Variants in TMEM87A observed in about 807,000 individuals in gnomAD.
The protein encoded by TMEM87A is transmembrane protein 87A.
TMEM87A carries 50 observed loss-of-function variants against 90.0 expected under a neutral mutation model. The observed-to-expected ratio is 0.56, with a 90% CI of 0.44 to 0.70. The LOEUF is 0.70. Ranked by LOEUF, TMEM87A falls within the 30% of genes least tolerant of loss-of-function variation. The pLI is 0.00. For synonymous variants in TMEM87A, 226 were observed against 226.7 expected (o/e 1.00, Z 0.03); for missense variants, 577 against 660.5 (o/e 0.87, Z 1.39).
chr15:42,260,275 G>A (rs550147279), intron 6 of TMEM87A, among the ~76,000 whole-genome samples: 1 of 152,312 alleles, frequency 6.6e-6, no homozygotes, highest in South Asian at 2.1e-4. Flanking sequence ...CTTGGAGTCT[G>A]AGGCAGGAGG....
Position 42,211,381 on chromosome 15 carries a change from T to C in TMEM87A, c.*327A>G, listed in dbSNP as rs1201552392. 2 of 217,068 alleles carry C rather than the reference T, an allele frequency of 9.2e-6. No homozygotes were observed. The highest frequency in any genetic ancestry group is 1.8e-5 in the Non-Finnish European group (2 of 109,616). 13.4% of individuals were successfully genotyped at this position (217,068 alleles called of 1,614,324 possible). The stretch of plus-strand genomic sequence containing the variant: ...TTTTAGAAGACGTTAAACTTTTTAG[T>C]TTGTCAGATTTAAAAAATGAAACAT... On this transcript the variant is annotated 3_prime_UTR_variant, in exon 20 of 20. Transcript: ENST00000389834.
intron 7 of TMEM87A, among the ~76,000 whole-genome samples, chr15:42,240,659 G>A (rs1410846913): frequency 1.3e-5 from 2 of 152,026 alleles, no homozygotes; most frequent in African/African-American, 2.4e-5. Flanking sequence ...AAAATAATTT[G>A]GATAAATTCT....
intron 6 of TMEM87A, among the ~76,000 whole-genome samples, chr15:42,247,843 G>A (rs2051007114): frequency 6.6e-6 from 1 of 152,144 alleles, no homozygotes; most frequent in Non-Finnish European, 1.5e-5. Flanking sequence ...GTAGCTTGAT[G>A]GGGATGGCAT....
intron 10 of TMEM87A, among the ~76,000 whole-genome samples, chr15:42,233,578 CT>C (rs1222124810): frequency 6.6e-6 from 1 of 152,106 alleles, no homozygotes; most frequent in African/African-American, 2.4e-5. Flanking sequence ...ATAATGCACC[CT>C]TATAAACCCT....
chr15:42,224,003 C>G (rs1363988897), intron 15 of TMEM87A, among the ~76,000 whole-genome samples: 1 of 152,190 alleles, frequency 6.6e-6, no homozygotes. Context: ...CAAGCCCACT[C>G]ATTAAATATT....
chr15:42,219,709 T>G, intron 16 of TMEM87A, 67 bp from the exon 17 acceptor site: 1 of 1,078,626 alleles, frequency 9.3e-7, no homozygotes. Context: ...GCAAAACGGA[T>G]TCAGAACTTT....
rs113589002 is a variant in TMEM87A at position 42,239,795 on chromosome 15, A to G, written c.623-64T>C. 973 of 1,371,670 alleles carry G rather than the reference A, an allele frequency of 7.1e-4. 4 individuals are homozygous for G. In the African/African-American group the frequency reaches 7.7e-3, roughly 11 times the overall value. The allele number at this position is 1,371,670 out of a possible 1,614,324, so 85.0% of individuals were successfully genotyped here. A position where few individuals can be genotyped will look rare whatever the true frequency, so the allele number is the denominator to read the frequency against. Reference sequence around the variant, plus strand: ...CAGAAATTAAACAAAAATATTGCCTAATATTTGTTTAATGAACTTAGTAAG... The same window carrying G: ...CAGAAATTAAACAAAAATATTGCCTGATATTTGTTTAATGAACTTAGTAAG... On this transcript the variant is annotated intron_variant, in intron 7 of 19. Transcript: ENST00000389834.
chr15:42,272,889 A>T (rs747419556), intron 1 of TMEM87A: 1 of 475,182 alleles, frequency 2.1e-6, no homozygotes, highest in South Asian at 1.5e-5. Context: ...TCCTATTTAC[A>T]TATCTTTCTT....
chr15:42,228,931 C>CA (rs2050642419), intron 12 of TMEM87A, 111 bp from the exon 13 acceptor site: 1 of 667,700 alleles, frequency 1.5e-6, no homozygotes, highest in African/African-American at 1.9e-5. Flanking sequence ...ATAGATCTCT[C>CA]AGAGGCCTTA....
At chr15:42,216,997 T>G (rs2140911296) in intron 19 of TMEM87A, among the ~76,000 whole-genome samples, 1 of 151,774 alleles carries the variant, frequency 6.6e-6, no homozygotes, top group African/African-American at 2.4e-5. Context: ...TCTCACTCTT[T>G]TGCCCAGGCT....
At chr15:42,244,380 T>C (rs184310191) in intron 6 of TMEM87A, among the ~76,000 whole-genome samples, 43 of 152,228 alleles carry the variant, frequency 2.8e-4, no homozygotes, top group Admixed American at 2.7e-3. Context: ...ATACCATGTC[T>C]TGTACACAAA....
rs1485787677 is a variant in TMEM87A at position 42,239,815 on chromosome 15, A to C, written c.623-84T>G. 2.6e-6 allele frequency: 3 copies of C among 1,164,462 alleles called. No homozygotes were observed. In the African/African-American group the frequency reaches 4.5e-5, roughly 18 times the overall value. 72.1% of individuals were successfully genotyped at this position (1,164,462 alleles called of 1,614,324 possible). A position where few individuals can be genotyped will look rare whatever the true frequency, so the allele number is the denominator to read the frequency against. On this transcript the variant is annotated intron_variant, in intron 7 of 19. Transcript: ENST00000389834. ...TGCCTAATATTTGTTTAATGAACTT[A>C]GTAAGAATTTCATTGGGTCATTTAC...
intron 10 of TMEM87A, among the ~76,000 whole-genome samples, chr15:42,234,495 C>T (rs543592726): frequency 1.4e-3 from 208 of 152,250 alleles, no homozygotes; most frequent in African/African-American, 4.9e-3. Flanking sequence ...ATATAGGAGG[C>T]ACTCAAATAA....
At chr15:42,237,676 A>T in intron 8 of TMEM87A, 61 bp from the exon 9 acceptor site, 2 of 1,267,216 alleles carry the variant, frequency 1.6e-6, no homozygotes, top group South Asian at 1.8e-5. Flanking sequence ...AAGTCTGTAG[A>T]TTTAGAATCA....
chr15:42,244,883 C>T (rs1376507647), intron 6 of TMEM87A, among the ~76,000 whole-genome samples: 2 of 151,092 alleles, frequency 1.3e-5, no homozygotes, highest in Non-Finnish European at 3.0e-5. Context: ...CAATTTACTA[C>T]CATCTGTTCT....
Position 42,210,720 on chromosome 15 carries a change from A to C in TMEM87A, c.*988T>G, listed in dbSNP as rs541992980. 1 of 152,790 alleles carries C rather than the reference A, an allele frequency of 6.5e-6. No individual in the cohort carries two copies. Among genetic ancestry groups the C allele is most frequent in the South Asian group, 2.1e-4 (1 of 4,826 alleles). The allele number at this position is 152,790 out of a possible 1,614,324, so 9.5% of individuals were successfully genotyped here. On this transcript the variant is annotated 3_prime_UTR_variant, in exon 20 of 20. Coordinates refer to ENST00000389834, the MANE Select transcript of TMEM87A (RefSeq NM_015497.5). ...CAGATACCAGAACAGTCCATCCTAA[A>C]GAACGAGCAGCAGTCCAGGGCCTCC...
intron 15 of TMEM87A, among the ~76,000 whole-genome samples, chr15:42,226,010 A>AT (rs928533075): frequency 1.4e-4 from 20 of 148,136 alleles, no homozygotes; most frequent in Admixed American, 4.0e-4. Flanking sequence ...GTGTGTCAGC[A>AT]TTTTTTTTTT....
At chr15:42,219,834 G>T (rs2050442243) in intron 16 of TMEM87A, among the ~76,000 whole-genome samples, 192 bp from the exon 17 acceptor site, 1 of 152,136 alleles carries the variant, frequency 6.6e-6, no homozygotes, top group Non-Finnish European at 1.5e-5. Flanking sequence ...AAGCTGGGAA[G>T]TTCAAAGCAA....
chr15:42,239,090 C>G (rs2050827014), intron 8 of TMEM87A, among the ~76,000 whole-genome samples: 1 of 152,138 alleles, frequency 6.6e-6, no homozygotes, highest in African/African-American at 2.4e-5. Context: ...GTCGCCCAGG[C>G]TGGAGTGCAG....
Sources: gnomAD v4.1 joint callset for allele counts (sites outside exome capture counted in the v4.1 genomes callset) on GRCh38, gnomAD v4.1.1 for gene constraint, MANE v1.5 for transcripts, NCBI Gene and HGNC (gene_info 2026-07-23, HGNC 2026-07-21) for gene names.